Variants in FAHD2A observed in about 807,000 individuals in gnomAD.
FAHD2A encodes the protein oxaloacetate tautomerase FAHD2A, mitochondrial.
A neutral mutation model predicts 33.4 loss-of-function variants in FAHD2A; 27 were observed. The observed-to-expected ratio is 0.81, with a 90% CI of 0.60 to 1.11. The LOEUF (loss-of-function observed/expected upper bound fraction) is 1.11. Ranked by LOEUF, FAHD2A falls within the 50% of genes most tolerant of loss-of-function variation. The pLI, the probability that FAHD2A is intolerant of heterozygous loss-of-function variation, is 0.00. For missense variants in FAHD2A, 296 were observed against 395.0 expected, an observed-to-expected ratio of 0.75 and a Z score of 2.12; for synonymous variants, 130 against 153.3, an observed-to-expected ratio of 0.85 and a Z score of 1.12.
In FAHD2A at chr2:95,407,145, A is replaced by C. The variant is rs143593017; in HGVS notation, c.450A>C (p.Pro150=). Residue 150 remains proline (P), a synonymous_variant, in exon 3 of 8, where the codon CCA becomes CCC. Coordinates refer to ENST00000233379, the MANE Select transcript of FAHD2A (RefSeq NM_016044.3). The part of the protein sequence containing the change: ...IVGPYDEVVL[P]PQSQEVDWEV... ...GGCCCTATGATGAGGTGGTCCTCCC[A>C]CCACAGAGCCAGGTCAGTGTCTCCC... The C allele has an allele frequency of 3.7e-5, 60 of 1,611,988 alleles. No homozygotes were observed. The African/African-American group carries it at 7.3e-4, about 20-fold the overall frequency.
At position 95,414,258 on chromosome 2, in the gene FAHD2A, T is replaced by G; in HGVS notation, c.*1301T>G. On this transcript the variant is annotated 3_prime_UTR_variant, in exon 8 of 8. Coordinates refer to ENST00000233379, the MANE Select transcript of FAHD2A (RefSeq NM_016044.3). ...CTGGTTGGGACTCACCAAAGATCCC[T>G]TCTTCCTGGGCGGTGGCCTGCAGGA... 6.3e-7 allele frequency: 1 copy of G among 1,595,892 alleles called. No homozygotes were observed. Among genetic ancestry groups the G allele is most frequent in the Non-Finnish European group, 8.6e-7 (1 of 1,167,736 alleles).
At chr2:95,418,134 A>G (rs936308526), downstream of FAHD2A, among the ~76,000 whole-genome samples, 3 of 152,032 alleles carry the variant, frequency 2.0e-5, no homozygotes, top group African/African-American at 4.8e-5. Context: ...TCAGGGGCCT[A>G]TCCACATTCA....
rs1459915469 is a variant in FAHD2A at position 95,406,929 on chromosome 2, T to C, written c.246-12T>C. ...CCCAGCCAGACCCTCTCACCTGCTCTGGTCTCTACAGAGCCCTGGCTGCCC... is the reference window on the plus strand; with the variant it reads ...CCCAGCCAGACCCTCTCACCTGCTCCGGTCTCTACAGAGCCCTGGCTGCCC... On this transcript the variant is annotated splice_polypyrimidine_tract_variant and intron_variant, in intron 2 of 7. Transcript: ENST00000233379. 1 of 1,607,340 alleles carries C rather than the reference T, an allele frequency of 6.2e-7. No individual in the cohort carries two copies. The highest frequency in any genetic ancestry group is 8.5e-7 in the Non-Finnish European group (1 of 1,176,476).
rs1683174462 is a variant in FAHD2A, at chr2:95,416,450, A to G, written c.*3493A>G. 1 of 152,174 alleles carries G rather than the reference A, an allele frequency of 6.6e-6. No homozygotes were observed. The highest frequency in any genetic ancestry group is 2.4e-5 in the African/African-American group (1 of 41,434). 9.4% of individuals were successfully genotyped at this position (152,174 alleles called of 1,614,324 possible). ...TTGCCTGGACCCCGCCTCAGCTCAG[A>G]AAGCCAATTCCCTAGATTCCAAAGG... On this transcript the variant is annotated 3_prime_UTR_variant, in exon 8 of 8. Coordinates refer to ENST00000233379, the MANE Select transcript of FAHD2A (RefSeq NM_016044.3).
chr2:95,421,181 C>G (rs2104393117), downstream of FAHD2A, among the ~76,000 whole-genome samples: 1 of 113,372 alleles, frequency 8.8e-6, no homozygotes, highest in East Asian at 2.7e-4. Context: ...GAGCTGAGAC[C>G]TGAGGCCTCC....
chr2:95,409,470 G>C (rs546851493), intron 3 of FAHD2A, among the ~76,000 whole-genome samples: 4 of 152,190 alleles, frequency 2.6e-5, no homozygotes, highest in Admixed American at 2.6e-4. Context: ...CACCACACCT[G>C]GCTAATTTTT....
In FAHD2A at chr2:95,414,406, G is replaced by A; in HGVS notation, c.*1449G>A. On this transcript the variant is annotated 3_prime_UTR_variant, in exon 8 of 8. Coordinates refer to ENST00000233379, the MANE Select transcript of FAHD2A (RefSeq NM_016044.3). ...ACAGAGGATGTGGTGGGATGGGGAA[G>A]GAAAGGTTGTGGAAGGCCTGCACCC... The A allele has an allele frequency of 3.2e-6, 2 of 618,494 alleles. No homozygotes were observed. The highest frequency in any genetic ancestry group is 3.0e-6 in the Non-Finnish European group (1 of 336,506). The allele number at this position is 618,494 out of a possible 1,614,324, so 38.3% of individuals were successfully genotyped here.
chr2:95,404,769 C>G (rs1681257351), intron 1 of FAHD2A, among the ~76,000 whole-genome samples: 1 of 152,236 alleles, frequency 6.6e-6, no homozygotes, highest in South Asian at 2.1e-4. Flanking sequence ...GACATGTGCC[C>G]TGGACCCAGG....
rs1682921801 is a variant in FAHD2A at position 95,414,082 on chromosome 2, C to T, written c.*1125C>T. 2.1e-6 allele frequency: 3 copies of T among 1,411,332 alleles called. No individual in the cohort carries two copies. The highest frequency in any genetic ancestry group is 1.7e-5 in the Admixed American group (1 of 57,880). The allele number at this position is 1,411,332 out of a possible 1,614,324, so 87.4% of individuals were successfully genotyped here. On this transcript the variant is annotated 3_prime_UTR_variant, in exon 8 of 8. Transcript: ENST00000233379. ...AGGGAGACACTGGGCACAGGCTTCTCTCCTCTTGTTTAAAGAAGCCCAGGG... is the reference window on the plus strand; with the variant it reads ...AGGGAGACACTGGGCACAGGCTTCTTTCCTCTTGTTTAAAGAAGCCCAGGG...
chr2:95,418,436 A>T (rs1471783226), downstream of FAHD2A, among the ~76,000 whole-genome samples: 1 of 151,998 alleles, frequency 6.6e-6, no homozygotes, highest in Non-Finnish European at 1.5e-5. Flanking sequence ...AGGCCAGAGA[A>T]TAGTGTATTG....
At chr2:95,412,204 T>G (rs1682631593) in intron 5 of FAHD2A, among the ~76,000 whole-genome samples, 1 of 151,806 alleles carries the variant, frequency 6.6e-6, no homozygotes. Flanking sequence ...AAACATCCTC[T>G]CAACCCATCC....
downstream of FAHD2A, among the ~76,000 whole-genome samples, chr2:95,419,088 C>A (rs1683278881): frequency 6.6e-6 from 1 of 152,014 alleles, no homozygotes; most frequent in African/African-American, 2.4e-5. Context: ...GAAGTATCCT[C>A]CCCTAGAGCC....
Position 95,413,968 on chromosome 2 carries a change from C to G in FAHD2A, c.*1011C>G, listed in dbSNP as rs945331553. The G allele has an allele frequency of 2.9e-6, 4 of 1,373,746 alleles. No individual in the cohort carries two copies. The African/African-American group carries it at 5.7e-5, about 20-fold the overall frequency. The allele number at this position is 1,373,746 out of a possible 1,614,324, so 85.1% of individuals were successfully genotyped here. On this transcript the variant is annotated 3_prime_UTR_variant, in exon 8 of 8. Transcript: ENST00000233379. ...ACACTGGCTCCTCTCACCCCTAGGT[C>G]TCTGAAGGTCCAGATAGCACTGATG...
At chr2:95,405,255 A>C (rs1375150231) in intron 1 of FAHD2A, 1 of 338,730 alleles carries the variant, frequency 3.0e-6, no homozygotes, top group Non-Finnish European at 5.4e-6. Context: ...TTTCACCTAC[A>C]TTGTTTCCCC....
downstream of FAHD2A, among the ~76,000 whole-genome samples, chr2:95,420,094 TG>T: frequency 6.6e-6 from 1 of 152,218 alleles, no homozygotes; most frequent in South Asian, 2.1e-4. Context: ...TCTGCCTTTT[TG>T]TTCTATTCAG....
At chr2:95,412,603 C>T in intron 6 of FAHD2A, 61 bp downstream of exon 6, 2 of 1,613,548 alleles carry the variant, frequency 1.2e-6, no homozygotes, top group Non-Finnish European at 1.7e-6. Flanking sequence ...GGAGGCTGAC[C>T]TGAGCCCTCC....
At chr2:95,417,467 A>G (rs2551307), downstream of FAHD2A, among the ~76,000 whole-genome samples, 62,934 of 151,552 alleles carry the variant, frequency 0.42, 13,296 homozygotes, top group South Asian at 0.53. Context: ...AGGCTTTGGG[A>G]AAAAAAATGC....
chr2:95,418,714 AC>A (rs1300244875), downstream of FAHD2A, among the ~76,000 whole-genome samples: 1 of 152,046 alleles, frequency 6.6e-6, no homozygotes, highest in Non-Finnish European at 1.5e-5. Flanking sequence ...CTTCATGGGA[AC>A]CATACAAGGA....
At chr2:95,404,790 G>C (rs1043241041) in intron 1 of FAHD2A, among the ~76,000 whole-genome samples, 2 of 152,240 alleles carry the variant, frequency 1.3e-5, no homozygotes, top group African/African-American at 4.8e-5. Flanking sequence ...GAGATGACAA[G>C]TGATGGCTGT....
Sources: allele counts gnomAD v4.1 joint callset (sites outside exome capture counted in the v4.1 genomes callset), GRCh38; gene constraint gnomAD v4.1.1; transcripts MANE v1.5; gene names NCBI Gene and HGNC (gene_info 2026-07-23, HGNC 2026-07-21).